The following BRCA1 variants were observed in gnomAD, a reference collection of about 807,000 sequenced individuals.
BRCA1 encodes BRCA1 DNA repair associated.
BRCA1 carries 140 observed loss-of-function variants against 173.7 expected under a neutral mutation model. That is an observed-to-expected ratio of 0.81 (90% CI 0.70 to 0.93). The LOEUF (loss-of-function observed/expected upper bound fraction) is 0.93. BRCA1 is among the 40% of genes least tolerant of loss of function. The pLI is 0.00. For missense variants in BRCA1, 1,983 were observed against 2,172.5 expected (o/e 0.91, Z 1.73); for synonymous variants, 662 against 756.0 (o/e 0.88, Z 2.04).
At chr17:43,048,363 C>T (rs1468827974) in intron 21 of BRCA1, among the ~76,000 whole-genome samples, 1 of 151,988 alleles carries the variant, frequency 6.6e-6, no homozygotes, top group Non-Finnish European at 1.5e-5. Flanking sequence ...CCCCTACGCC[C>T]AGCTAATTTT....
intron 1 of BRCA1, among the ~76,000 whole-genome samples, chr17:43,154,754 C>G (rs2056185904): frequency 6.6e-6 from 1 of 152,012 alleles, no homozygotes; most frequent in South Asian, 2.1e-4. Flanking sequence ...AAAACCTGCT[C>G]TCACATTCTA....
Position 43,071,197 on chromosome 17 carries a change from C to G in BRCA1, c.4717G>C (p.Asp1573His), listed in dbSNP as rs1188628175. ...YLESGISLFS[D>H]DPESDPSEDR... ...TCAGAAGGATCAGATTCAGGGTCAT[C>G]AGAGAAGAGGCTGATTCCAGATTCC... The change falls in exon 15 of 23, where the codon GAT becomes CAT. Residue 1573 changes from aspartate to histidine, a missense_variant. Coordinates refer to ENST00000357654, the MANE Select transcript of BRCA1 (RefSeq NM_007294.4). 1 of 1,614,072 alleles carries G rather than the reference C, an allele frequency of 6.2e-7. No individual in the cohort carries two copies. Among genetic ancestry groups the G allele is most frequent in the African/African-American group, 1.3e-5 (1 of 74,934 alleles).
rs573933693 is a variant in BRCA1, at chr17:43,049,373, G to T, written c.5333-179C>A. On this transcript the variant is annotated intron_variant, in intron 20 of 22. Transcript: ENST00000357654. ...AGGGGTATGGATTTTAAGTCAATTT[G>T]CCACTGATATGCCATGTACTCTGGT... Among the ~76,000 whole-genome samples, 1 of 152,186 alleles carries T rather than the reference G, an allele frequency of 6.6e-6. No homozygotes were observed. Among genetic ancestry groups the T allele is most frequent in the Admixed American group, 6.5e-5 (1 of 15,286 alleles).
At chr17:43,051,143 G>C (rs2153090080) in intron 19 of BRCA1, 26 bp from the exon 20 acceptor site, 2 of 1,602,510 alleles carry the variant, frequency 1.2e-6, no homozygotes, top group Non-Finnish European at 1.7e-6. Flanking sequence ...AAGAGAGAGG[G>C]ACAGGGGAAT....
chr17:43,075,097 A>AAGGAAGGAAAGGAAGAAAGT (rs1394043506), intron 13 of BRCA1, among the ~76,000 whole-genome samples: 1 of 151,994 alleles, frequency 6.6e-6, no homozygotes, highest in Non-Finnish European at 1.5e-5. Flanking sequence ...AGGAAGAAAG[A>AAGGAAGGAAAGGAAGAAAGT]AAGGAGGAAA....
At chr17:43,077,966 C>T (rs1311052878) in intron 12 of BRCA1, among the ~76,000 whole-genome samples, 1 of 152,042 alleles carries the variant, frequency 6.6e-6, no homozygotes, top group Non-Finnish European at 1.5e-5. Flanking sequence ...AACTCCCGAC[C>T]TCAGGTGATC....
At chr17:43,159,321 ACC>A (rs1298310719) in intron 1 of BRCA1, 1 of 161,742 alleles carries the variant, frequency 6.2e-6, no homozygotes, top group Non-Finnish European at 1.3e-5. Flanking sequence ...CAGGGGGCTG[ACC>A]CCCCCACCTC....
chr17:43,166,274 TC>T (rs1188315375), intron 1 of BRCA1: 1 of 152,176 alleles, frequency 6.6e-6, no homozygotes, highest in Admixed American at 6.6e-5. Flanking sequence ...TGCTGGTCTT[TC>T]CTTGCCTCTG....
intron 19 of BRCA1, among the ~76,000 whole-genome samples, chr17:43,052,277 A>T (rs1160483277): frequency 6.6e-6 from 1 of 152,110 alleles, no homozygotes; most frequent in Non-Finnish European, 1.5e-5. Flanking sequence ...TTCATATTTT[A>T]ATTTTTTTCT....
chr17:43,127,966 G>A (rs758814140), upstream of BRCA1, among the ~76,000 whole-genome samples: 3 of 145,034 alleles, frequency 2.1e-5, no homozygotes, highest in Non-Finnish European at 3.0e-5. Context: ...GGAGCTTGCA[G>A]TGAGCCCAGA....
In BRCA1 at chr17:43,124,747, TTTTTG is replaced by T. The variant is rs572878542; in HGVS notation, c.-20+519_-20+523del. 1,122 of 199,384 alleles carry T rather than the reference TTTTTG, an allele frequency of 5.6e-3. 10 individuals are homozygous for T. Among genetic ancestry groups the T allele is most frequent in the African/African-American group, 0.023 (952 of 42,292 alleles). The allele number at this position is 199,384 out of a possible 1,614,324, so 12.4% of individuals were successfully genotyped here. ...TCCTCTCATACATACCAGCCGGTGT[TTTTTG>T]TTTTGTTTTGTTTTGTTTTGTTTTG... On this transcript the variant is annotated intron_variant, in intron 1 of 22. Transcript: ENST00000357654.
intron 1 of BRCA1, chr17:43,162,211 C>A (rs1482910706): frequency 1.3e-5 from 2 of 152,178 alleles, no homozygotes; most frequent in Non-Finnish European, 2.9e-5. Flanking sequence ...CTAAATGACA[C>A]AAGACCAGTA....
chr17:43,113,712 C>T (rs1364297589), intron 3 of BRCA1, among the ~76,000 whole-genome samples: 1 of 152,074 alleles, frequency 6.6e-6, no homozygotes, highest in African/African-American at 2.4e-5. Context: ...TTATCTCTGC[C>T]TATAAGCCTA....
chr17:43,059,472 A>C (rs1053564183), intron 18 of BRCA1, among the ~76,000 whole-genome samples: 1 of 133,314 alleles, frequency 7.5e-6, no homozygotes, highest in African/African-American at 2.9e-5. Flanking sequence ...ATGCTGTCAC[A>C]ACAACAACAA....
intron 1 of BRCA1, among the ~76,000 whole-genome samples, chr17:43,141,232 C>T (rs1432613892): frequency 6.6e-6 from 1 of 152,148 alleles, no homozygotes; most frequent in African/African-American, 2.4e-5. Context: ...CAAAACTGCT[C>T]AATTGAGGAC....
intron 1 of BRCA1, among the ~76,000 whole-genome samples, chr17:43,158,091 A>T (rs1025826866): frequency 6.6e-6 from 1 of 152,178 alleles, no homozygotes; most frequent in African/African-American, 2.4e-5. Context: ...ATAAAAATTT[A>T]GCATTAACTT....
chr17:43,126,000 C>A (rs1417071331), upstream of BRCA1, among the ~76,000 whole-genome samples: 1 of 151,984 alleles, frequency 6.6e-6, no homozygotes, highest in Non-Finnish European at 1.5e-5. Context: ...GTTATGTTTT[C>A]GTATTTTGAA....
At position 43,057,557 on chromosome 17, in the gene BRCA1, C is replaced by T. The variant is rs1015363275; in HGVS notation, c.5194-422G>A. Among the ~76,000 whole-genome samples the T allele has an allele frequency of 6.6e-5, 10 of 150,702 alleles. No homozygotes were observed. The East Asian group carries it at 1.8e-3, about 26-fold the overall frequency. On this transcript the variant is annotated intron_variant, in intron 18 of 22. Coordinates refer to ENST00000357654, the MANE Select transcript of BRCA1 (RefSeq NM_007294.4). The stretch of plus-strand genomic sequence containing the variant: ...AAAATTAAAAAAAAAAAAATTAGGC[C>T]GGGTGTGGTGGCTCACGCCTGTAAT...
At position 43,124,082 on chromosome 17, in the gene BRCA1, A is replaced by G. The variant is rs1339036647; in HGVS notation, c.15T>C (p.Ala5=). 6.2e-7 allele frequency: 1 copy of G among 1,613,436 alleles called. No individual in the cohort carries two copies. Among genetic ancestry groups the G allele is most frequent in the East Asian group, 2.2e-5 (1 of 44,848 alleles). Residue 5 remains alanine (A), a synonymous_variant, in exon 2 of 23, where the codon GCT becomes GCC. Transcript: ENST00000357654. ...CATTTTGTACTTCTTCAACGCGAAG[A>G]GCAGATAAATCCATTTCTTTCTGTT... MDLS[A]LRVEEVQNVI...
Sources: gnomAD v4.1 joint callset for allele counts (sites outside exome capture counted in the v4.1 genomes callset) on GRCh38, gnomAD v4.1.1 for gene constraint, MANE v1.5 for transcripts, NCBI Gene and HGNC (gene_info 2026-07-23, HGNC 2026-07-21) for gene names.